Variants in BRD10 observed in about 807,000 individuals in gnomAD.
The protein encoded by BRD10 is bromodomain containing 10, also known as uncharacterized bromodomain-containing protein 10.
At chr9:5,951,998 G>A in the BRD10 span, among the ~76,000 whole-genome samples, 3 of 117,662 alleles carry the variant, frequency 2.5e-5, no homozygotes, top group Non-Finnish European at 5.6e-5. Flanking sequence ...ACCAGGAAGA[G>A]ACTTATTTAT....
chr9:5,946,509 G>A, the BRD10 span, among the ~76,000 whole-genome samples: 2 of 152,032 alleles, frequency 1.3e-5, no homozygotes, highest in Admixed American at 6.6e-5. Flanking sequence ...TTGTAACTAT[G>A]AAGACTTGGA....
chr9:5,921,076 A>G, the BRD10 span: 1 of 1,613,928 alleles, frequency 6.2e-7, no homozygotes, highest in Non-Finnish European at 8.5e-7. Context: ...CCACTGATTC[A>G]TTAACAGGGG....
At chr9:5,891,354 A>G in the BRD10 span, 1 of 152,208 alleles carries the variant, frequency 6.6e-6, no homozygotes, top group Non-Finnish European at 1.5e-5. Context: ...CCATTCTGTC[A>G]TTTTGAACAC....
chr9:5,985,925 T>TA, the BRD10 span, among the ~76,000 whole-genome samples: 11 of 151,836 alleles, frequency 7.2e-5, no homozygotes, highest in Non-Finnish European at 1.2e-4. Context: ...GCTAATTCTT[T>TA]AAAAAAAAAT....
chr9:5,921,114 T>C, the BRD10 span: 3 of 1,613,796 alleles, frequency 1.9e-6, no homozygotes, highest in African/African-American at 1.3e-5. Context: ...AAATTTGAGC[T>C]TACTGGAACT....
chr9:5,947,183 C>T, the BRD10 span, among the ~76,000 whole-genome samples: 3 of 152,106 alleles, frequency 2.0e-5, no homozygotes, highest in African/African-American at 4.8e-5. Context: ...AGTTAGTAAA[C>T]TGTACTAAAT....
the BRD10 span, among the ~76,000 whole-genome samples, chr9:5,940,399 T>C: frequency 1.3e-5 from 2 of 152,096 alleles, 1 homozygote; most frequent in South Asian, 4.2e-4. Context: ...TTCACCATGT[T>C]AGCCAGGCTG....
chr9:5,985,305 A>G, the BRD10 span, among the ~76,000 whole-genome samples: 3 of 152,234 alleles, frequency 2.0e-5, no homozygotes, highest in Non-Finnish European at 4.4e-5. Context: ...AAAATTCTAG[A>G]ACAAAAATTT....
the BRD10 span, chr9:5,910,268 G>C: frequency 2.6e-5 from 4 of 152,082 alleles, no homozygotes; most frequent in African/African-American, 9.7e-5. Flanking sequence ...AGAAACACTA[G>C]TGTAACATAA....
the BRD10 span, among the ~76,000 whole-genome samples, chr9:5,969,718 T>C: frequency 4.6e-5 from 7 of 152,226 alleles, no homozygotes; most frequent in African/African-American, 7.2e-5. Flanking sequence ...TAACATTTTG[T>C]ATTTTTTAGT....
chr9:6,007,324 G>C, the BRD10 span: 1 of 1,613,780 alleles, frequency 6.2e-7, no homozygotes, highest in East Asian at 2.2e-5. Context: ...CACGAACTCG[G>C]TGATGCCCCC....
At chr9:5,885,662 C>A in the BRD10 span, among the ~76,000 whole-genome samples, 1 of 152,306 alleles carries the variant, frequency 6.6e-6, no homozygotes, top group East Asian at 1.9e-4. Context: ...CATGAGCCAC[C>A]GCACCCGGCC....
the BRD10 span, among the ~76,000 whole-genome samples, chr9:5,918,650 T>C: frequency 9.9e-5 from 15 of 151,080 alleles, no homozygotes; most frequent in African/African-American, 3.6e-4. Context: ...GGCTTTTTTT[T>C]TTTTTTTTGC....
At chr9:5,940,354 C>A in the BRD10 span, among the ~76,000 whole-genome samples, 200 of 152,116 alleles carry the variant, frequency 1.3e-3, no homozygotes, top group Non-Finnish European at 2.2e-3. Context: ...CCACTACAGC[C>A]TGGCTAATTT....
the BRD10 span, among the ~76,000 whole-genome samples, chr9:5,926,886 G>T: frequency 6.6e-6 from 1 of 152,074 alleles, no homozygotes; most frequent in African/African-American, 2.4e-5. Context: ...TATTACAAAT[G>T]AGAATAATAA....
At chr9:5,938,510 C>A in the BRD10 span, among the ~76,000 whole-genome samples, 1 of 151,972 alleles carries the variant, frequency 6.6e-6, no homozygotes, top group African/African-American at 2.4e-5. Flanking sequence ...AGGATAAAAT[C>A]TTACTCTGTA....
chr9:5,949,551 A>AT, the BRD10 span, among the ~76,000 whole-genome samples: 1 of 152,210 alleles, frequency 6.6e-6, no homozygotes, highest in Non-Finnish European at 1.5e-5. Flanking sequence ...ACAATGTAAT[A>AT]TAAGTCTTAG....
the BRD10 span, chr9:5,922,334 G>C: frequency 1.9e-6 from 3 of 1,613,978 alleles, no homozygotes; most frequent in Non-Finnish European, 2.5e-6. Flanking sequence ...ACTGGGCAAG[G>C]AGAATGTGGC....
At chr9:5,977,052 G>A in the BRD10 span, among the ~76,000 whole-genome samples, 1 of 152,168 alleles carries the variant, frequency 6.6e-6, no homozygotes, top group Non-Finnish European at 1.5e-5. Flanking sequence ...CGAATATTAA[G>A]GACATACAGA....
Sources: gnomAD v4.1 joint callset for allele counts (sites outside exome capture counted in the v4.1 genomes callset) on GRCh38, gnomAD v4.1.1 for gene constraint, MANE v1.5 for transcripts, NCBI Gene and HGNC (gene_info 2026-07-23, HGNC 2026-07-21) for gene names.